Variants in ZNF276 observed in about 807,000 individuals in gnomAD.
ZNF276 encodes zinc finger protein 276.
A neutral mutation model predicts 63.9 loss-of-function variants in ZNF276; 59 were observed. The observed-to-expected ratio is 0.92, with a 90% CI of 0.75 to 1.15. ZNF276 has a LOEUF of 1.15. Ranked by LOEUF, ZNF276 falls within the 50% of genes most tolerant of loss-of-function variation. ZNF276 has a pLI of 0.00. For missense variants in ZNF276, 1,084 were observed against 843.8 expected (o/e 1.28, Z -3.53); for synonymous variants, 496 against 348.4 (o/e 1.42, Z -4.72).
intron 4 of ZNF276, among the ~76,000 whole-genome samples, chr16:89,726,626 C>T (rs576323440): frequency 2.5e-4 from 37 of 149,174 alleles, no homozygotes; most frequent in Non-Finnish European, 8.9e-5. Flanking sequence ...CCACTGCACC[C>T]GGACTGAGAA....
rs1425381141 is a variant in ZNF276, at chr16:89,740,656, C to T, written c.*2410C>T. Reference sequence around the variant, plus strand: ...CATCTCAAAAAAAAAAAAAAAAAACCCACGGCCTGGGAGTTCTCACTCACA... The same window carrying T: ...CATCTCAAAAAAAAAAAAAAAAAACTCACGGCCTGGGAGTTCTCACTCACA... On this transcript the variant is annotated 3_prime_UTR_variant, in exon 11 of 11. Coordinates refer to ENST00000443381, the MANE Select transcript of ZNF276 (RefSeq NM_001113525.2). 3.1e-6 allele frequency: 2 copies of T among 637,764 alleles called. No homozygotes were observed. Among genetic ancestry groups the T allele is most frequent in the East Asian group, 2.9e-5 (1 of 34,036 alleles). 39.5% of individuals were successfully genotyped at this position (637,764 alleles called of 1,614,324 possible).
chr16:89,731,045 CAG>C, intron 6 of ZNF276, among the ~76,000 whole-genome samples: 1 of 152,242 alleles, frequency 6.6e-6, no homozygotes, highest in Non-Finnish European at 1.5e-5. Context: ...CACGAGGGCA[CAG>C]AGACTGCGGG....
In ZNF276 at chr16:89,738,384, GC is replaced by G; in HGVS notation, c.*139del. Reference sequence around the variant, plus strand: ...GTGCTGGAGGCGGGCTTGGTGTCCGGCTCAAGTAGCCTTCCTCTGCTCTGGG... The same window carrying G: ...GTGCTGGAGGCGGGCTTGGTGTCCGGTCAAGTAGCCTTCCTCTGCTCTGGG... On this transcript the variant is annotated 3_prime_UTR_variant, in exon 11 of 11. Coordinates refer to ENST00000443381, the MANE Select transcript of ZNF276 (RefSeq NM_001113525.2). 7.1e-7 allele frequency: 1 copy of G among 1,403,946 alleles called. No individual in the cohort carries two copies. The highest frequency in any genetic ancestry group is 2.5e-4 in the Middle Eastern group (1 of 3,968). 87.0% of individuals were successfully genotyped at this position (1,403,946 alleles called of 1,614,324 possible). A position where few individuals can be genotyped will look rare whatever the true frequency, so the allele number is the denominator to read the frequency against.
intron 4 of ZNF276, among the ~76,000 whole-genome samples, chr16:89,724,546 C>T (rs2061408875): frequency 6.6e-6 from 1 of 152,198 alleles, no homozygotes. Flanking sequence ...ACTCTGGAGG[C>T]TGAGGCACGA....
At position 89,740,750 on chromosome 16, in the gene ZNF276, C is replaced by A; in HGVS notation, c.*2504C>A. On this transcript the variant is annotated 3_prime_UTR_variant, in exon 11 of 11. Coordinates refer to ENST00000443381, the MANE Select transcript of ZNF276 (RefSeq NM_001113525.2). ...GACTTGGAAGCTGGCTGCCTGGTGCCCCTGCCTGGCCCACAGTGGGAGAGG... is the reference window on the plus strand; with the variant it reads ...GACTTGGAAGCTGGCTGCCTGGTGCACCTGCCTGGCCCACAGTGGGAGAGG... The A allele has an allele frequency of 6.6e-7, 1 of 1,512,308 alleles. No homozygotes were observed. The highest frequency in any genetic ancestry group is 1.1e-5 in the South Asian group (1 of 87,416). 93.7% of individuals were successfully genotyped at this position (1,512,308 alleles called of 1,614,324 possible).
intron 9 of ZNF276, among the ~76,000 whole-genome samples, chr16:89,735,016 G>A (rs947325576): frequency 5.9e-5 from 9 of 152,032 alleles, no homozygotes; most frequent in Admixed American, 5.2e-4. Context: ...AAAATTATCT[G>A]GGTGTGGTGG....
At position 89,738,061 on chromosome 16, in the gene ZNF276, T is replaced by A; in HGVS notation, c.1660T>A (p.Phe554Ile). ...ACACAAGGCTGAGACTGAGCTGGAC[T>A]TTGCCTGTGACCAGTGTGGCCGGCG... ...TKHKAETELD[F>I]ACDQCGRRFE... The change falls in exon 11 of 11, where the codon TTT (phenylalanine) becomes ATT (isoleucine). Residue 554 changes from phenylalanine to isoleucine, a missense_variant. Phe to Ile is a conservative substitution (Grantham distance 21). Coordinates refer to ENST00000443381, the MANE Select transcript of ZNF276 (RefSeq NM_001113525.2). The A allele has an allele frequency of 6.2e-7, 1 of 1,614,106 alleles. No homozygotes were observed. Among genetic ancestry groups the A allele is most frequent in the South Asian group, 1.1e-5 (1 of 91,082 alleles).
In ZNF276 at chr16:89,721,791, T is replaced by A. The variant is rs952441234; in HGVS notation, c.151T>A (p.Trp51Arg). Residue 51 changes from tryptophan to arginine, a missense_variant, in exon 1 of 11, where the codon TGG (tryptophan) becomes AGG (arginine). Coordinates refer to ENST00000443381, the MANE Select transcript of ZNF276 (RefSeq NM_001113525.2). ...RVDGATARRA[W>R]GPVGSCGDAG... ...GGACGGGGCGACGGCGCGGCGCGCC[T>A]GGGGCCCGGTGGGGTCCTGCGGGGA... is the stretch of plus-strand genomic sequence containing the variant. 2.4e-6 allele frequency: 3 copies of A among 1,255,388 alleles called. No homozygotes were observed. In the African/African-American group the frequency reaches 4.7e-5, roughly 20 times the overall value. The allele number at this position is 1,255,388 out of a possible 1,614,324, so 77.8% of individuals were successfully genotyped here. A position where few individuals can be genotyped will look rare whatever the true frequency, so the allele number is the denominator to read the frequency against.
At chr16:89,729,022 A>ATGGCTTGTGGGGATTGC (rs1386425591) in intron 5 of ZNF276, among the ~76,000 whole-genome samples, 2 of 152,228 alleles carry the variant, frequency 1.3e-5, no homozygotes, top group South Asian at 2.1e-4. Context: ...CCCAGAGCAC[A>ATGGCTTGTGGGGATTGC]TGGCTTGTGG....
rs1280590354 is a variant in ZNF276, at chr16:89,740,181, G to A, written c.*1935G>A. The A allele has an allele frequency of 5.5e-6, 6 of 1,085,944 alleles. No individual in the cohort carries two copies. The highest frequency in any genetic ancestry group is 1.5e-5 in the African/African-American group (1 of 64,626). 67.3% of individuals were successfully genotyped at this position (1,085,944 alleles called of 1,614,324 possible). On this transcript the variant is annotated 3_prime_UTR_variant, in exon 11 of 11. Transcript: ENST00000443381. ...GGAGGGTACAGCCCTCAGCACAGAA[G>A]AGGGCATTTCCTCTTTGCTTATTGT... is the stretch of plus-strand genomic sequence containing the variant.
At position 89,740,130 on chromosome 16, in the gene ZNF276, T is replaced by C. The variant is rs752930999; in HGVS notation, c.*1884T>C. 1 of 1,569,086 alleles carries C rather than the reference T, an allele frequency of 6.4e-7. No individual in the cohort carries two copies. Among genetic ancestry groups the C allele is most frequent in the Non-Finnish European group, 8.8e-7 (1 of 1,139,692 alleles). ...AACCGCAGGAGACCAACCCTGAGAA[T>C]GGCCGACCTGGTGCTCCCATGGGTA... is the stretch of plus-strand genomic sequence containing the variant. On this transcript the variant is annotated 3_prime_UTR_variant, in exon 11 of 11. Transcript: ENST00000443381.
chr16:89,721,897 G>T lies in ZNF276; in HGVS notation c.205+52G>T, dbSNP rs895576284. 1.1e-3 allele frequency: 1,271 copies of T among 1,150,176 alleles called. 1 individual carries two copies. The highest frequency in any genetic ancestry group is 1.3e-3 in the Non-Finnish European group (1,175 of 923,030). The allele number at this position is 1,150,176 out of a possible 1,614,324, so 71.2% of individuals were successfully genotyped here. ...GTTGGGGTCGCGGCAGGGGTTGCTC[G>T]TGGGAGGAGCCGCACTGACGCCCGG... On this transcript the variant is annotated intron_variant, in intron 1 of 10. Coordinates refer to ENST00000443381, the MANE Select transcript of ZNF276 (RefSeq NM_001113525.2).
intron 9 of ZNF276, among the ~76,000 whole-genome samples, chr16:89,735,801 A>G (rs569907270): frequency 6.6e-6 from 1 of 150,914 alleles, no homozygotes; most frequent in South Asian, 2.1e-4. Flanking sequence ...TGTAACCTCC[A>G]CCTCCCTAGT....
chr16:89,726,948 A>G (rs2061489001), intron 4 of ZNF276, among the ~76,000 whole-genome samples: 1 of 152,182 alleles, frequency 6.6e-6, no homozygotes, highest in African/African-American at 2.4e-5. Flanking sequence ...CTGGCCTAGT[A>G]ATTTTTTAAA....
Position 89,740,879 on chromosome 16 carries a change from AC to A in ZNF276, c.*2634del. ...GGAAAACCAATAGCTGTAAATAAAA[AC>A]GTGCACTTATTATTACATTAAAATT... On this transcript the variant is annotated 3_prime_UTR_variant, in exon 11 of 11. Coordinates refer to ENST00000443381, the MANE Select transcript of ZNF276 (RefSeq NM_001113525.2). The A allele has an allele frequency of 1.2e-6, 2 of 1,607,248 alleles. No homozygotes were observed. Among genetic ancestry groups the A allele is most frequent in the African/African-American group, 2.7e-5 (2 of 74,804 alleles).
At chr16:89,734,546 C>CT (rs1288726427) in intron 9 of ZNF276, among the ~76,000 whole-genome samples, 1 of 152,108 alleles carries the variant, frequency 6.6e-6, no homozygotes, top group Non-Finnish European at 1.5e-5. Context: ...AGGGTGATCT[C>CT]TAACTCCTGA....
At position 89,721,809 on chromosome 16, in the gene ZNF276, TGCGGGGACGCGG is replaced by T; in HGVS notation, c.173_184del (p.Gly58_Gly61del). On this transcript the variant is annotated inframe_deletion, in exon 1 of 11. Coordinates refer to ENST00000443381, the MANE Select transcript of ZNF276 (RefSeq NM_001113525.2). ...GCGCGCCTGGGGCCCGGTGGGGTCC[TGCGGGGACGCGG>T]GCGAGGACGGCGCGGACGAGGCAGG... 1 of 1,236,962 alleles carries T rather than the reference TGCGGGGACGCGG, an allele frequency of 8.1e-7. No individual in the cohort carries two copies. The highest frequency in any genetic ancestry group is 1.0e-6 in the Non-Finnish European group (1 of 991,020). The allele number at this position is 1,236,962 out of a possible 1,614,324, so 76.6% of individuals were successfully genotyped here.
In ZNF276 at chr16:89,739,837, G is replaced by A; in HGVS notation, c.*1591G>A. 2 of 1,492,656 alleles carry A rather than the reference G, an allele frequency of 1.3e-6. No homozygotes were observed. The highest frequency in any genetic ancestry group is 1.8e-6 in the Non-Finnish European group (2 of 1,124,394). 92.5% of individuals were successfully genotyped at this position (1,492,656 alleles called of 1,614,324 possible). ...CAGTGAGCCAGTAAATTATCTTATT[G>A]CTTTAAACAAGTTTGTGCTTAATCT... is the stretch of plus-strand genomic sequence containing the variant. On this transcript the variant is annotated 3_prime_UTR_variant, in exon 11 of 11. Transcript: ENST00000443381.
At position 89,737,976 on chromosome 16, in the gene ZNF276, G is replaced by GT; in HGVS notation, c.1576dup (p.Cys526LeufsTer2). The GT allele has an allele frequency of 6.2e-7, 1 of 1,614,156 alleles. No homozygotes were observed. The highest frequency in any genetic ancestry group is 8.5e-7 in the Non-Finnish European group (1 of 1,180,030). On this transcript the variant is annotated frameshift_variant and splice_region_variant, in exon 11 of 11. Coordinates refer to ENST00000443381, the MANE Select transcript of ZNF276 (RefSeq NM_001113525.2). LOFTEE classifies it high-confidence loss of function. ...CTTCTTATCTGCCTCTGTCCCCCAG[G>GT]TGTGAGGTCTGTGGGTTCCAGTGCA... is the stretch of plus-strand genomic sequence containing the variant.
Sources: gnomAD v4.1 joint callset for allele counts (sites outside exome capture counted in the v4.1 genomes callset) on GRCh38, gnomAD v4.1.1 for gene constraint, MANE v1.5 for transcripts, NCBI Gene and HGNC (gene_info 2026-07-23, HGNC 2026-07-21) for gene names.